HELZ: variants seen among roughly 807,000 people sequenced by gnomAD.
HELZ encodes ATP-dependent RNA helicase with zinc finger domain.
Under a neutral mutation model 218.2 loss-of-function variants are expected in HELZ, and 23 were observed. That is an observed-to-expected ratio of 0.11 (90% CI 0.08 to 0.15). The LOEUF is 0.15. HELZ is among the 10% of genes least tolerant of loss of function. The pLI, the probability that HELZ is intolerant of heterozygous loss-of-function variation, is 1.00. For synonymous variants in HELZ, 814 were observed against 829.4 expected (o/e 0.98, Z 0.32); for missense variants, 1,813 against 2,353.7 (o/e 0.77, Z 4.75).
intron 22 of HELZ, among the ~76,000 whole-genome samples, chr17:67,137,653 A>G (rs2038194829): frequency 6.6e-6 from 1 of 152,238 alleles, no homozygotes; most frequent in Non-Finnish European, 1.5e-5. Context: ...GTTATATACT[A>G]TTATGACTGT....
At chr17:67,128,878 C>T in intron 23 of HELZ, 23 bp from the exon 24 acceptor site, 1 of 1,548,642 alleles carries the variant, frequency 6.5e-7, no homozygotes, top group Non-Finnish European at 8.9e-7. Context: ...TTTACAAGAT[C>T]AGATTACAAT....
chr17:67,094,950 T>C (rs2036697650), intron 31 of HELZ, among the ~76,000 whole-genome samples: 1 of 152,202 alleles, frequency 6.6e-6, no homozygotes, highest in Non-Finnish European at 1.5e-5. Context: ...CTGAGGTGGC[T>C]GTGGCAATTT....
chr17:67,087,171 A>G, intron 31 of HELZ, 90 bp from the exon 32 acceptor site: 2 of 1,234,978 alleles, frequency 1.6e-6, no homozygotes, highest in Non-Finnish European at 1.2e-6. Context: ...CTCACTATAT[A>G]AAGTAAAAAT....
intron 5 of HELZ, among the ~76,000 whole-genome samples, chr17:67,207,878 G>A (rs753821204): frequency 5.9e-5 from 9 of 152,136 alleles, no homozygotes; most frequent in Non-Finnish European, 8.8e-5. Flanking sequence ...GCATGGCGGC[G>A]CATACCCATA....
chr17:67,178,529 G>A (rs1204992260), intron 13 of HELZ, 130 bp downstream of exon 13: 5 of 728,724 alleles, frequency 6.9e-6, no homozygotes, highest in Non-Finnish European at 1.1e-5. Context: ...TTCCTTTAAA[G>A]ATAGAATACA....
intron 9 of HELZ, among the ~76,000 whole-genome samples, chr17:67,193,016 TC>T (rs1363362449): frequency 1.3e-5 from 2 of 152,156 alleles, no homozygotes; most frequent in Non-Finnish European, 2.9e-5. Flanking sequence ...ATTGTCAACT[TC>T]AATCACCACA....
chr17:67,133,593 G>C (rs2038054522), intron 23 of HELZ, among the ~76,000 whole-genome samples: 1 of 151,972 alleles, frequency 6.6e-6, no homozygotes, highest in African/African-American at 2.4e-5. Flanking sequence ...GTGATCACTA[G>C]AGCCTCAACC....
intron 13 of HELZ, chr17:67,176,740 T>A (rs1041162086): frequency 1.3e-5 from 2 of 152,208 alleles, no homozygotes; most frequent in African/African-American, 4.8e-5. Flanking sequence ...GCGTCTCCAG[T>A]TAGGCTGGAG....
At chr17:67,193,274 G>A (rs1468481293) in intron 9 of HELZ, among the ~76,000 whole-genome samples, 1 of 148,970 alleles carries the variant, frequency 6.7e-6, no homozygotes, top group African/African-American at 2.5e-5. Flanking sequence ...GAGCCTGGGA[G>A]GCAGAGATTG....
At chr17:67,221,106 T>C (rs1387145898) in intron 3 of HELZ, among the ~76,000 whole-genome samples, 4 of 152,222 alleles carry the variant, frequency 2.6e-5, no homozygotes, top group African/African-American at 9.6e-5. Context: ...AAGAGTGGCA[T>C]TACAAAATTA....
chr17:67,113,637 T>TA (rs993971573), intron 28 of HELZ, among the ~76,000 whole-genome samples: 5 of 152,288 alleles, frequency 3.3e-5, no homozygotes, highest in Non-Finnish European at 5.9e-5. Flanking sequence ...GTAAAAGTGC[T>TA]AAATTTAAGG....
At position 67,138,134 on chromosome 17, in the gene HELZ, C is replaced by T. The variant is rs1257877766; in HGVS notation, c.2770-20G>A. ...AAACACCTTTAAAAACAAACACACACATACATATTAAAGTTATCACCAATG... is the reference window on the plus strand; with the variant it reads ...AAACACCTTTAAAAACAAACACACATATACATATTAAAGTTATCACCAATG... On this transcript the variant is annotated intron_variant, in intron 21 of 32. Transcript: ENST00000358691. The T allele has an allele frequency of 6.3e-6, 10 of 1,578,108 alleles. No homozygotes were observed. Among genetic ancestry groups the T allele is most frequent in the Non-Finnish European group, 8.6e-6 (10 of 1,158,390 alleles).
rs2038116261 is a variant in HELZ, at chr17:67,135,317, C to A, written c.3182+653G>T. On this transcript the variant is annotated intron_variant, in intron 23 of 32. Transcript: ENST00000358691. ...GAAGGAAATTCATCAAAAATTAGAACAATTAAGTGAAAAAGTGAGGCACTA... is the reference window on the plus strand; with the variant it reads ...GAAGGAAATTCATCAAAAATTAGAAAAATTAAGTGAAAAAGTGAGGCACTA... Among the ~76,000 whole-genome samples the A allele has an allele frequency of 1.3e-5, 2 of 152,054 alleles. 1 individual carries two copies. The highest frequency in any genetic ancestry group is 4.1e-4 in the South Asian group (2 of 4,820).
intron 17 of HELZ, among the ~76,000 whole-genome samples, chr17:67,154,758 A>T (rs924924143): frequency 3.9e-4 from 60 of 152,308 alleles, no homozygotes; most frequent in African/African-American, 1.4e-3. Context: ...GTGAGGGGGA[A>T]ATTTTACACA....
intron 8 of HELZ, among the ~76,000 whole-genome samples, chr17:67,194,496 C>A (rs1390607444): frequency 6.6e-6 from 1 of 152,094 alleles, no homozygotes; most frequent in Non-Finnish European, 1.5e-5. Context: ...ACATTATCAC[C>A]CATGTTCCTT....
At chr17:67,084,816 G>A (rs1464000104) in intron 32 of HELZ, among the ~76,000 whole-genome samples, 1 of 152,080 alleles carries the variant, frequency 6.6e-6, no homozygotes, top group South Asian at 2.1e-4. Context: ...ACATGAGTGA[G>A]TGTATTTATC....
intron 3 of HELZ, among the ~76,000 whole-genome samples, chr17:67,233,120 C>T (rs528775212): frequency 4.1e-4 from 63 of 152,200 alleles, no homozygotes; most frequent in African/African-American, 1.5e-3. Context: ...GGCGAAGAAG[C>T]GAGACTCCGT....
intron 12 of HELZ, among the ~76,000 whole-genome samples, chr17:67,179,892 T>A (rs2144232170): frequency 6.6e-6 from 1 of 152,316 alleles, no homozygotes; most frequent in South Asian, 2.1e-4. Flanking sequence ...GTACAAATTA[T>A]CCTAAACTAT....
At chr17:67,168,748 A>G (rs1036105203) in intron 13 of HELZ, among the ~76,000 whole-genome samples, 1 of 152,196 alleles carries the variant, frequency 6.6e-6, no homozygotes, top group African/African-American at 2.4e-5. Flanking sequence ...CGTGAGTATG[A>G]GAGAGTATGT....
Sources: allele counts gnomAD v4.1 joint callset (sites outside exome capture counted in the v4.1 genomes callset), GRCh38; gene constraint gnomAD v4.1.1; transcripts MANE v1.5; gene names NCBI Gene and HGNC (gene_info 2026-07-23, HGNC 2026-07-21).